The following DNMT1 variants were observed in gnomAD, a reference collection of about 807,000 sequenced individuals.
DNMT1 encodes DNA methyltransferase 1.
Under a neutral mutation model 205.3 loss-of-function variants are expected in DNMT1, and 24 were observed. That is an observed-to-expected ratio of 0.12 (90% confidence interval 0.08 to 0.16). DNMT1 has a LOEUF of 0.16. DNMT1 is among the 10% of genes least tolerant of loss of function. The pLI, the probability that DNMT1 is intolerant of heterozygous loss-of-function variation, is 1.00. For missense variants in DNMT1, 1,293 were observed against 2,177.7 expected (o/e 0.59, Z 8.09); for synonymous variants, 817 against 839.8 (o/e 0.97, Z 0.47).
intron 10 of DNMT1, among the ~76,000 whole-genome samples, chr19:10,167,522 A>G (rs768239576): frequency 5.3e-5 from 8 of 152,196 alleles, no homozygotes; most frequent in Non-Finnish European, 1.0e-4. Context: ...GAGGTTTGAA[A>G]AAGTGCTACT....
intron 7 of DNMT1, among the ~76,000 whole-genome samples, chr19:10,174,705 TA>T (rs1176467771): frequency 6.7e-6 from 1 of 149,624 alleles, no homozygotes; most frequent in African/African-American, 2.5e-5. Flanking sequence ...AGACTCCATC[TA>T]AAAAAAATTA....
At chr19:10,192,629 C>G (rs550082440) in intron 1 of DNMT1, among the ~76,000 whole-genome samples, 1 of 152,126 alleles carries the variant, frequency 6.6e-6, no homozygotes, top group African/African-American at 2.4e-5. Flanking sequence ...AAAAGGAAGG[C>G]CGGGCCCAAA....
chr19:10,181,138 A>G (rs1360644668), intron 2 of DNMT1, among the ~76,000 whole-genome samples: 1 of 152,164 alleles, frequency 6.6e-6, no homozygotes, highest in Non-Finnish European at 1.5e-5. Flanking sequence ...GTTTATAAGA[A>G]TAATACTGTG....
At chr19:10,166,710 C>T in intron 10 of DNMT1, 25 bp from the exon 11 acceptor site, 1 of 1,613,662 alleles carries the variant, frequency 6.2e-7, no homozygotes, top group South Asian at 1.1e-5. Flanking sequence ...AACACACACA[C>T]AGGCTGGTCA....
Position 10,163,355 on chromosome 19 carries a change from CTCA to C in DNMT1, c.894_896del (p.Asp298del), listed in dbSNP as rs1568241116. 6.2e-7 allele frequency: 1 copy of C among 1,613,898 alleles called. No individual in the cohort carries two copies. The highest frequency in any genetic ancestry group is 8.5e-7 in the Non-Finnish European group (1 of 1,179,950). On this transcript the variant is annotated inframe_deletion and splice_region_variant, in exon 12 of 41. Transcript: ENST00000359526. ...CTTTGGGTTGACTTCTGTGCTTCTT[CTCA>C]TCCTGACAGAAAAATAAGGGGGAGG...
chr19:10,171,610 C>T lies in DNMT1; in HGVS notation c.768+1480G>A, dbSNP rs540718420. Among the ~76,000 whole-genome samples the T allele has an allele frequency of 1.3e-3, 198 of 152,046 alleles. 1 individual carries two copies. The highest frequency in any genetic ancestry group is 4.6e-3 in the African/African-American group (192 of 41,484). On this transcript the variant is annotated intron_variant, in intron 9 of 40. Transcript: ENST00000359526. Reference sequence around the variant, plus strand: ...CACGAGGTCAGGAGATCAAGACCATCCTGGCTAACGTGGTGAAACCCCTTC... The same window carrying T: ...CACGAGGTCAGGAGATCAAGACCATTCTGGCTAACGTGGTGAAACCCCTTC...
rs773301158 is a variant in DNMT1, at chr19:10,160,399, G to A, written c.1028C>T (p.Thr343Met). ...EDEKEEKRRKTTPKEPTEKKM... is the reference protein window; with the variant it reads ...EDEKEEKRRKMTPKEPTEKKM... ...AAATTCTTACGGTTCTTTGGGGGTC[G>A]TTTTGCGTCTCTTCTCCTCCTACAC... Residue 343 changes from threonine (T) to methionine (M), a missense_variant, in exon 14 of 41, where the codon ACG (threonine) becomes ATG (methionine). This residue lies in a region of DNMT1 where 394 missense variants were observed against 451.6 expected (regional missense o/e 0.87). Coordinates refer to ENST00000359526, the MANE Select transcript of DNMT1 (RefSeq NM_001130823.3). The A allele has an allele frequency of 4.3e-6, 7 of 1,613,994 alleles. No individual in the cohort carries two copies. The highest frequency in any genetic ancestry group is 3.3e-4 in the Middle Eastern group (2 of 6,082).
chr19:10,145,651 C>T (rs1270213811), intron 28 of DNMT1, among the ~76,000 whole-genome samples: 1 of 152,252 alleles, frequency 6.6e-6, no homozygotes, highest in Middle Eastern at 3.4e-3. Flanking sequence ...TAAACCTTTA[C>T]TTTAAGCCAG....
At chr19:10,177,754 AC>A (rs968778377) in intron 5 of DNMT1, among the ~76,000 whole-genome samples, 9 of 151,992 alleles carry the variant, frequency 5.9e-5, no homozygotes, top group Non-Finnish European at 1.3e-4. Flanking sequence ...AACATGGCAA[AC>A]CCCCATCTCT....
chr19:10,155,126 G>C, intron 19 of DNMT1, 70 bp from the exon 20 acceptor site: 1 of 1,599,056 alleles, frequency 6.3e-7, no homozygotes, highest in Non-Finnish European at 8.5e-7. Flanking sequence ...CACAGGGCAT[G>C]GAGGAGTCTA....
At chr19:10,142,518 C>G (rs1199599024) in intron 29 of DNMT1, among the ~76,000 whole-genome samples, 1 of 149,638 alleles carries the variant, frequency 6.7e-6, no homozygotes, top group Non-Finnish European at 1.5e-5. Flanking sequence ...AGGGTAAAGA[C>G]CCCTCCCAGT....
At chr19:10,135,214 A>AG (rs1291834120) in intron 39 of DNMT1, among the ~76,000 whole-genome samples, 1 of 111,626 alleles carries the variant, frequency 9.0e-6, no homozygotes, top group Non-Finnish European at 1.7e-5. Flanking sequence ...CTCCATCTCA[A>AG]AAAAAAAAAA....
chr19:10,167,112 C>T (rs1452052170), intron 10 of DNMT1, among the ~76,000 whole-genome samples: 2 of 152,172 alleles, frequency 1.3e-5, no homozygotes, highest in Admixed American at 1.3e-4. Context: ...CAGGGCCCTG[C>T]CGCTCAGGTG....
Position 10,148,927 on chromosome 19 carries a change from C to G in DNMT1, c.2677G>C (p.Glu893Gln). 6.2e-7 allele frequency: 1 copy of G among 1,614,164 alleles called. No homozygotes were observed. The highest frequency in any genetic ancestry group is 8.5e-7 in the Non-Finnish European group (1 of 1,180,032). Residue 893 changes from glutamate (E) to glutamine (Q), a missense_variant, in exon 27 of 41, where the codon GAG becomes CAG. By Grantham distance (29) the Glu-to-Gln change is conservative. Coordinates refer to ENST00000359526, the MANE Select transcript of DNMT1 (RefSeq NM_001130823.3). ...GTTGGCTGGGTTTTTGGAGGGGACT[C>G]GAATCTCGCGTAGTCTTGATCATAC... is the stretch of plus-strand genomic sequence containing the variant. ...LWYDQDYARF[E>Q]SPPKTQPTED...
chr19:10,175,070 A>C (rs1207308526), intron 7 of DNMT1, among the ~76,000 whole-genome samples: 1 of 125,604 alleles, frequency 8.0e-6, no homozygotes, highest in Non-Finnish European at 1.6e-5. Context: ...AAGAAGTCTA[A>C]ATACATACAT....
rs1446224502 is a variant in DNMT1, at chr19:10,133,904, G to A, written c.4865-203C>T. On this transcript the variant is annotated intron_variant, in intron 40 of 40. Transcript: ENST00000359526. This position sits in a 1 kb window ranked among gnomAD's most constrained non-coding sequence, Gnocchi z 4.1. The stretch of plus-strand genomic sequence containing the variant: ...GTCCCCAGAGGGTTCTAGACCCAGA[G>A]GCTCAAGTGAGCAGCTGAGGCAGGT... Among the ~76,000 whole-genome samples the A allele has an allele frequency of 6.6e-6, 1 of 152,196 alleles. No homozygotes were observed. Among genetic ancestry groups the A allele is most frequent in the Non-Finnish European group, 1.5e-5 (1 of 68,028 alleles).
Position 10,144,025 on chromosome 19 carries a change from C to T in DNMT1, c.2895-38G>A, listed in dbSNP as rs375652340. 3.1e-6 allele frequency: 5 copies of T among 1,604,360 alleles called. No individual in the cohort carries two copies. The African/African-American group carries it at 6.7e-5, about 21-fold the overall frequency. On this transcript the variant is annotated intron_variant, in intron 28 of 40. Coordinates refer to ENST00000359526, the MANE Select transcript of DNMT1 (RefSeq NM_001130823.3). ...ACCCACTTGACATCAATGAACCTTC[C>T]ACCTTGCAGTGGTCAGTCAGGCATG...
intron 17 of DNMT1, among the ~76,000 whole-genome samples, chr19:10,158,974 A>G (rs901553254): frequency 6.6e-6 from 1 of 152,072 alleles, no homozygotes; most frequent in African/African-American, 2.4e-5. Flanking sequence ...GCATGTCACC[A>G]GGCTTTTAAA....
intron 7 of DNMT1, among the ~76,000 whole-genome samples, chr19:10,175,146 G>A (rs897868367): frequency 6.8e-6 from 1 of 146,976 alleles, no homozygotes; most frequent in African/African-American, 2.5e-5. Flanking sequence ...TAACATGTAT[G>A]TATGTAAGAC....
Sources: allele counts gnomAD v4.1 joint callset (sites outside exome capture counted in the v4.1 genomes callset), GRCh38; gene constraint gnomAD v4.1.1; regional missense constraint gnomAD v4.1.1; non-coding constraint Gnocchi (gnomAD v3.1); transcripts MANE v1.5; gene names NCBI Gene and HGNC (gene_info 2026-07-23, HGNC 2026-07-21).